The following YEATS4 variants were observed in gnomAD, a reference collection of about 807,000 sequenced individuals.
YEATS4 encodes YEATS domain containing 4.
YEATS4 carries 17 observed loss-of-function variants against 30.1 expected under a neutral mutation model. The ratio of observed to expected loss-of-function variants is 0.56; its 90% CI spans 0.39 to 0.85. The LOEUF is 0.85. Among genes scored for constraint, YEATS4 ranks in the 40% least tolerant of loss-of-function variants. The pLI, the probability that YEATS4 is intolerant of heterozygous loss-of-function variation, is 0.00. For synonymous variants in YEATS4, 85 were observed against 87.5 expected, an observed-to-expected ratio of 0.97 and a Z score of 0.16; for missense variants, 142 against 268.3, an observed-to-expected ratio of 0.53 and a Z score of 3.29.
At chr12:69,380,820 A>G (rs1372189432) in intron 6 of YEATS4, among the ~76,000 whole-genome samples, 1 of 152,208 alleles carries the variant, frequency 6.6e-6, no homozygotes, top group African/African-American at 2.4e-5. Flanking sequence ...TCCAGGGGAG[A>G]CATCACATGT....
intron 4 of YEATS4, among the ~76,000 whole-genome samples, chr12:69,367,316 C>T (rs1472916172): frequency 6.6e-6 from 1 of 151,996 alleles, no homozygotes; most frequent in Non-Finnish European, 1.5e-5. Flanking sequence ...GATCTCCTAC[C>T]ATCTGTGTTG....
intron 6 of YEATS4, among the ~76,000 whole-genome samples, chr12:69,375,747 C>A (rs1332272552): frequency 1.3e-5 from 2 of 152,044 alleles, no homozygotes; most frequent in Non-Finnish European, 2.9e-5. Flanking sequence ...CCAAAAAATA[C>A]AAAAACTGGT....
the YEATS4 span, among the ~76,000 whole-genome samples, chr12:69,413,314 C>CTCCA: frequency 6.8e-6 from 1 of 148,030 alleles, no homozygotes; most frequent in South Asian, 2.2e-4. Context: ...CACCACTGCA[C>CTCCA]TCCAGCCTGG....
chr12:69,373,502 G>A (rs913607998), intron 6 of YEATS4, among the ~76,000 whole-genome samples: 8 of 152,094 alleles, frequency 5.3e-5, no homozygotes, highest in South Asian at 2.1e-4. Flanking sequence ...GGAGTTGTTC[G>A]AGCTCCTTAT....
At chr12:69,370,219 T>C (rs144157242) in intron 4 of YEATS4, among the ~76,000 whole-genome samples, 12 of 152,330 alleles carry the variant, frequency 7.9e-5, no homozygotes, top group African/African-American at 2.9e-4. Flanking sequence ...CCAAAGTGAA[T>C]TATTACTGAC....
At chr12:69,386,909 C>T (rs1868258725) in intron 6 of YEATS4, among the ~76,000 whole-genome samples, 1 of 152,010 alleles carries the variant, frequency 6.6e-6, no homozygotes, top group South Asian at 2.1e-4. Context: ...AAATTAGGCA[C>T]AATAAAAGAT....
At chr12:69,405,551 G>A in the YEATS4 span, among the ~76,000 whole-genome samples, 2 of 152,162 alleles carry the variant, frequency 1.3e-5, no homozygotes, top group South Asian at 2.1e-4. Context: ...CTACTCTTGC[G>A]CTTTGGGGCC....
At chr12:69,364,248 T>C (rs537964844) in intron 2 of YEATS4, 39 of 430,038 alleles carry the variant, frequency 9.1e-5, no homozygotes, top group African/African-American at 7.4e-4. Flanking sequence ...AGCCCAGGAG[T>C]TTGAGACCAG....
chr12:69,374,337 C>T (rs2120978323), intron 6 of YEATS4, among the ~76,000 whole-genome samples: 1 of 152,028 alleles, frequency 6.6e-6, no homozygotes, highest in East Asian at 1.9e-4. Context: ...TTGTACATAT[C>T]TTTCACTTCT....
At chr12:69,371,088 G>T in intron 6 of YEATS4, 113 bp downstream of exon 6, 1 of 1,029,542 alleles carries the variant, frequency 9.7e-7, no homozygotes, top group Non-Finnish European at 1.4e-6. Flanking sequence ...AGTTTTTTAG[G>T]TGTTAAAAAA....
intron 2 of YEATS4, chr12:69,364,206 A>G (rs942859014): frequency 2.2e-6 from 1 of 448,452 alleles, no homozygotes; most frequent in African/African-American, 2.0e-5. Context: ...TAATCTCAGC[A>G]CTATGGGAGG....
At chr12:69,412,894 A>T in the YEATS4 span, among the ~76,000 whole-genome samples, 1 of 152,112 alleles carries the variant, frequency 6.6e-6, no homozygotes, top group African/African-American at 2.4e-5. Context: ...CATAGGAGTT[A>T]GCCAGGGGAA....
In YEATS4 at chr12:69,359,838, A is replaced by G; in HGVS notation, c.-135A>G. On this transcript the variant is annotated 5_prime_UTR_variant, in exon 1 of 7. Coordinates refer to ENST00000247843, the MANE Select transcript of YEATS4 (RefSeq NM_006530.4). ...GACGGTTACTCACCGCCGTGAGCCC[A>G]AGTAACTCGCCCTCCTTCGGCTAGA... The G allele has an allele frequency of 9.4e-7, 1 of 1,063,384 alleles. No homozygotes were observed. Among genetic ancestry groups the G allele is most frequent in the South Asian group, 1.6e-5 (1 of 63,460 alleles). The allele number at this position is 1,063,384 out of a possible 1,614,324, so 65.9% of individuals were successfully genotyped here.
chr12:69,414,764 C>T, the YEATS4 span, among the ~76,000 whole-genome samples: 1 of 152,148 alleles, frequency 6.6e-6, no homozygotes, highest in Admixed American at 6.5e-5. Context: ...TGGCTTGGCC[C>T]GCTGAAAAGT....
chr12:69,410,218 T>C, the YEATS4 span, among the ~76,000 whole-genome samples: 1 of 152,220 alleles, frequency 6.6e-6, no homozygotes, highest in Non-Finnish European at 1.5e-5. Flanking sequence ...TTTTGTCTCC[T>C]CTAAAGAAGC....
In YEATS4 at chr12:69,362,988, T is replaced by A. The variant is rs1268691622; in HGVS notation, c.171+81T>A. The A allele has an allele frequency of 1.3e-3, 1,413 of 1,114,150 alleles. 96 individuals carry two copies. Among genetic ancestry groups the A allele is most frequent in the South Asian group, 2.7e-3 (117 of 42,920 alleles). The allele number at this position is 1,114,150 out of a possible 1,614,324, so 69.0% of individuals were successfully genotyped here. On this transcript the variant is annotated intron_variant, in intron 2 of 6. Transcript: ENST00000247843. ...TGCTTAAAGACAACCTGTAGTTTTT[T>A]TTTTTTTTTTTTTTTTTTTTTTGAG...
the YEATS4 span, among the ~76,000 whole-genome samples, chr12:69,396,790 A>T: frequency 6.6e-6 from 1 of 152,150 alleles, no homozygotes; most frequent in Non-Finnish European, 1.5e-5. Context: ...TGCTATTCAA[A>T]TTGATTCTGT....
the YEATS4 span, among the ~76,000 whole-genome samples, chr12:69,419,238 A>G: frequency 3.6e-5 from 3 of 82,208 alleles, no homozygotes; most frequent in African/African-American, 9.1e-5. Context: ...TTTTTTTTTT[A>G]GAGACATGGT....
chr12:69,371,965 CA>C (rs1875657403), intron 6 of YEATS4, among the ~76,000 whole-genome samples: 1 of 152,128 alleles, frequency 6.6e-6, no homozygotes, highest in Non-Finnish European at 1.5e-5. Flanking sequence ...GCAGTGAGGA[CA>C]AAGGCCCTCA....
Sources: allele counts gnomAD v4.1 joint callset (sites outside exome capture counted in the v4.1 genomes callset), GRCh38; gene constraint gnomAD v4.1.1; transcripts MANE v1.5; gene names NCBI Gene and HGNC (gene_info 2026-07-23, HGNC 2026-07-21).